Variants in SLC25A26 observed in about 807,000 individuals in gnomAD.
The protein encoded by SLC25A26 is mitochondrial S-adenosylmethionine carrier protein.
A neutral mutation model predicts 37.8 loss-of-function variants in SLC25A26; 36 were observed. The observed-to-expected ratio is 0.95, with a 90% confidence interval of 0.73 to 1.26. The LOEUF (loss-of-function observed/expected upper bound fraction) is 1.26, where lower values mean the gene tolerates loss of function less well. Ranked by LOEUF, SLC25A26 falls within the 50% of genes most tolerant of loss-of-function variation. The pLI is 0.00. For synonymous variants in SLC25A26, 129 were observed against 122.5 expected (o/e 1.05, Z -0.35); for missense variants, 390 against 331.1 (o/e 1.18, Z -1.38).
intron 5 of SLC25A26, among the ~76,000 whole-genome samples, chr3:66,266,554 A>G (rs2073758376): frequency 7.1e-6 from 1 of 140,936 alleles, no homozygotes; most frequent in Non-Finnish European, 1.5e-5. Flanking sequence ...GGTGTTCTTT[A>G]GATTGTGTGA....
At chr3:66,249,253 G>A (rs981273362) in intron 3 of SLC25A26, among the ~76,000 whole-genome samples, 1 of 152,202 alleles carries the variant, frequency 6.6e-6, no homozygotes, top group Non-Finnish European at 1.5e-5. Context: ...ATAGAGCCTC[G>A]TAGGCAAAGG....
At chr3:66,155,485 C>T (rs2070268953) in intron 1 of SLC25A26, among the ~76,000 whole-genome samples, 2 of 152,074 alleles carry the variant, frequency 1.3e-5, no homozygotes, top group African/African-American at 2.4e-5. Flanking sequence ...CACTGCACTC[C>T]AGCCTGGGCG....
At chr3:66,305,412 T>C (rs536395151) in intron 5 of SLC25A26, among the ~76,000 whole-genome samples, 25 of 152,338 alleles carry the variant, frequency 1.6e-4, no homozygotes, top group Admixed American at 7.2e-4. Context: ...TTAACAGATA[T>C]CAAATTTTTT....
intron 6 of SLC25A26, among the ~76,000 whole-genome samples, chr3:66,353,553 T>C (rs2076508593): frequency 6.6e-6 from 1 of 152,230 alleles, no homozygotes; most frequent in Non-Finnish European, 1.5e-5. Flanking sequence ...CGTTTTTGTA[T>C]TGTCGTATAC....
chr3:66,308,741 T>G (rs2107592305), intron 5 of SLC25A26, among the ~76,000 whole-genome samples: 1 of 152,342 alleles, frequency 6.6e-6, no homozygotes, highest in South Asian at 2.1e-4. Context: ...AAGGGGTGGT[T>G]AGCATGAAGG....
At chr3:66,354,689 T>C (rs1417881309) in intron 6 of SLC25A26, among the ~76,000 whole-genome samples, 1 of 152,186 alleles carries the variant, frequency 6.6e-6, no homozygotes, top group African/African-American at 2.4e-5. Flanking sequence ...GGTCTGCAGT[T>C]ATACCATTTC....
chr3:66,327,995 A>G (rs1407621194), intron 5 of SLC25A26, among the ~76,000 whole-genome samples: 1 of 152,146 alleles, frequency 6.6e-6, no homozygotes, highest in Non-Finnish European at 1.5e-5. Context: ...GGTTTGGGAA[A>G]GAATCCTCAA....
rs2073452987 is a variant in SLC25A26 at position 66,259,850 on chromosome 3, C to T, written c.301-2201C>T. Among the ~76,000 whole-genome samples, 4 of 152,232 alleles carry T rather than the reference C, an allele frequency of 2.6e-5. No homozygotes were observed. The South Asian group carries it at 8.3e-4, about 32-fold the overall frequency. On this transcript the variant is annotated intron_variant, in intron 3 of 9. Coordinates refer to ENST00000354883, the MANE Select transcript of SLC25A26 (RefSeq NM_001379210.1). ...CACTGACTATGGAATGAAGTTTCAG[C>T]CCCTTAGCATGGTATACAGGGCCTT...
At chr3:66,295,901 G>A (rs1242171185) in intron 5 of SLC25A26, among the ~76,000 whole-genome samples, 3 of 151,908 alleles carry the variant, frequency 2.0e-5, no homozygotes, top group Non-Finnish European at 4.4e-5. Context: ...GGTGGATCAC[G>A]AGGTCAGGAG....
At chr3:66,351,421 T>C (rs2076450691) in intron 6 of SLC25A26, among the ~76,000 whole-genome samples, 1 of 152,200 alleles carries the variant, frequency 6.6e-6, no homozygotes, top group Admixed American at 6.5e-5. Context: ...TTATATTTAC[T>C]TTGGAACTTT....
intron 1 of SLC25A26, among the ~76,000 whole-genome samples, chr3:66,231,902 C>G (rs2072051662): frequency 6.6e-6 from 1 of 151,884 alleles, no homozygotes; most frequent in Non-Finnish European, 1.5e-5. Flanking sequence ...CTCCCAGCAG[C>G]TAGGACTACA....
chr3:66,223,605 A>G (rs1268073509), intron 1 of SLC25A26, among the ~76,000 whole-genome samples: 2 of 152,196 alleles, frequency 1.3e-5, no homozygotes, highest in Non-Finnish European at 2.9e-5. Flanking sequence ...ACCTGGCACT[A>G]GGTAAGCACT....
At chr3:66,212,262 C>G (rs1057111240) in intron 1 of SLC25A26, among the ~76,000 whole-genome samples, 11 of 152,008 alleles carry the variant, frequency 7.2e-5, no homozygotes, top group Non-Finnish European at 1.2e-4. Context: ...CAGGTGCACA[C>G]CACCATGCCT....
At chr3:66,169,562 T>C (rs1446262427) in intron 1 of SLC25A26, among the ~76,000 whole-genome samples, 1 of 152,208 alleles carries the variant, frequency 6.6e-6, no homozygotes, top group African/African-American at 2.4e-5. Context: ...CGTATGTTGC[T>C]TTTTCATGTT....
intron 1 of SLC25A26, among the ~76,000 whole-genome samples, chr3:66,156,293 A>G (rs571699070): frequency 5.3e-5 from 8 of 152,356 alleles, no homozygotes; most frequent in African/African-American, 1.7e-4. Context: ...AGCAGTAACA[A>G]GGAAGATGAC....
chr3:66,376,189 T>C (rs1700640785), intron 9 of SLC25A26, among the ~76,000 whole-genome samples: 1 of 151,970 alleles, frequency 6.6e-6, no homozygotes, highest in Admixed American at 6.6e-5. Flanking sequence ...AAGTGATCTA[T>C]TGAGATGAAT....
rs1199499935 is a variant in SLC25A26 at position 66,262,082 on chromosome 3, T to G, written c.332T>G (p.Val111Gly). Residue 111 changes from valine (V) to glycine (G), a missense_variant, in exon 4 of 10, where the codon GTG (valine) becomes GGG (glycine). Physicochemically the swap from Val to Gly is moderately radical, Grantham distance 109. Coordinates refer to ENST00000354883, the MANE Select transcript of SLC25A26 (RefSeq NM_001379210.1). ...TGCCTGATTCGAGTTCCATCTGAAG[T>G]GGTTAAGCAGAGGGCACAGGTATCT... ...VACLIRVPSEVVKQRAQVSAS... is the reference protein window; with the variant it reads ...VACLIRVPSEGVKQRAQVSAS... 2 of 1,589,168 alleles carry G rather than the reference T, an allele frequency of 1.3e-6. No homozygotes were observed. Among genetic ancestry groups the G allele is most frequent in the Non-Finnish European group, 1.7e-6 (2 of 1,166,916 alleles).
chr3:66,206,082 A>G (rs1357701697), intron 1 of SLC25A26, among the ~76,000 whole-genome samples: 1 of 152,198 alleles, frequency 6.6e-6, no homozygotes, highest in East Asian at 1.9e-4. Context: ...TGGGATATTT[A>G]TGAGTATACA....
chr3:66,313,337 T>C lies in SLC25A26; in HGVS notation c.454-33027T>C, dbSNP rs536993508. Among the ~76,000 whole-genome samples, 81 of 152,338 alleles carry C rather than the reference T, an allele frequency of 5.3e-4. 1 individual carries two copies. In the South Asian group the frequency reaches 0.016, roughly 30 times the overall value. The stretch of plus-strand genomic sequence containing the variant: ...GGGTCTAGTTTCAGTTTTCTTGATA[T>C]GGCTTGCCAGTTCTCCCAGCACCGT... On this transcript the variant is annotated intron_variant, in intron 5 of 9. Coordinates refer to ENST00000354883, the MANE Select transcript of SLC25A26 (RefSeq NM_001379210.1).
Sources: allele counts gnomAD v4.1 joint callset (sites outside exome capture counted in the v4.1 genomes callset), GRCh38; gene constraint gnomAD v4.1.1; transcripts MANE v1.5; gene names NCBI Gene and HGNC (gene_info 2026-07-23, HGNC 2026-07-21).